Variants in SHF observed in about 807,000 individuals in gnomAD.
SHF encodes Src homology 2 domain containing F, also known as SH2 domain-containing adapter protein F.
A neutral mutation model predicts 42.4 loss-of-function variants in SHF; 30 were observed. The observed-to-expected ratio is 0.71, with a 90% CI of 0.53 to 0.96. SHF has a LOEUF of 0.96. SHF is among the 40% of genes least tolerant of loss of function. The pLI, the probability that SHF is intolerant of heterozygous loss-of-function variation, is 0.00. For missense variants in SHF, 598 were observed against 634.0 expected, an observed-to-expected ratio of 0.94 and a Z score of 0.61; for synonymous variants, 264 against 269.9, an observed-to-expected ratio of 0.98 and a Z score of 0.21.
intron 2 of SHF, among the ~76,000 whole-genome samples, chr15:45,194,434 C>G (rs944721748): frequency 6.6e-6 from 1 of 152,164 alleles, no homozygotes; most frequent in Non-Finnish European, 1.5e-5. Flanking sequence ...TCACTGCAAC[C>G]TACACCTCCC....
upstream of SHF, among the ~76,000 whole-genome samples, chr15:45,190,238 G>A (rs984325668): frequency 2.0e-5 from 3 of 152,164 alleles, no homozygotes; most frequent in Non-Finnish European, 4.4e-5. Context: ...AGAAAATAAC[G>A]TGCATATTTT....
upstream of SHF, among the ~76,000 whole-genome samples, chr15:45,192,335 G>GTT (rs765992039): frequency 2.3e-5 from 2 of 85,440 alleles, no homozygotes; most frequent in Non-Finnish European, 2.4e-5. Context: ...ACTCCCTACA[G>GTT]TTTTTTTTTT....
chr15:45,198,668 C>G (rs1449326601), intron 2 of SHF: 3 of 1,445,908 alleles, frequency 2.1e-6, no homozygotes, highest in East Asian at 2.3e-5. Context: ...AACCACTATA[C>G]GATCACGGCG....
intron 1 of SHF, among the ~76,000 whole-genome samples, chr15:45,183,135 G>C (rs773827250): frequency 6.6e-6 from 1 of 152,210 alleles, no homozygotes. Context: ...CAAATGCTTA[G>C]TGAATACCTC....
chr15:45,191,376 G>C (rs990260481), upstream of SHF, among the ~76,000 whole-genome samples: 1 of 152,136 alleles, frequency 6.6e-6, no homozygotes, highest in Non-Finnish European at 1.5e-5. Flanking sequence ...TTCTAGAGAC[G>C]AAGTTCTTGC....
At chr15:45,190,451 C>T (rs750119920), upstream of SHF, among the ~76,000 whole-genome samples, 17 of 152,144 alleles carry the variant, frequency 1.1e-4, no homozygotes, top group Non-Finnish European at 4.4e-5. Flanking sequence ...GCTACTGATA[C>T]TTGCTTTCAT....
At chr15:45,178,726 G>A (rs1237746885) in intron 1 of SHF, among the ~76,000 whole-genome samples, 2 of 152,048 alleles carry the variant, frequency 1.3e-5, no homozygotes. Flanking sequence ...GTAGAGATGG[G>A]GTTTCACCAT....
intron 1 of SHF, chr15:45,199,227 T>G: frequency 1.2e-6 from 1 of 846,422 alleles, no homozygotes; most frequent in South Asian, 2.1e-5. Flanking sequence ...CCCTGACTCC[T>G]CCTGACTCCT....
chr15:45,189,899 T>A (rs1363205579), upstream of SHF, among the ~76,000 whole-genome samples: 1 of 151,624 alleles, frequency 6.6e-6, no homozygotes, highest in Non-Finnish European at 1.5e-5. Flanking sequence ...ACCTGGGAGG[T>A]TGAGGTGGGA....
At chr15:45,170,645 C>CTTTTTTTTTTT (rs146136602) in intron 6 of SHF, 6 of 221,846 alleles carry the variant, frequency 2.7e-5, no homozygotes, top group Middle Eastern at 1.7e-3. Flanking sequence ...TTATCTTTTT[C>CTTTTTTTTTTT]TTTTTTTTTT....
At chr15:45,188,078 G>T, upstream of SHF, 1 of 362,624 alleles carries the variant, frequency 2.8e-6, no homozygotes, top group Non-Finnish European at 4.4e-6. Context: ...GGAGAGGCGG[G>T]GCTCCGCTCC....
rs1268437265 is a variant in SHF, at chr15:45,187,624, A to C, written c.328T>G (p.Ser110Ala). 2.4e-6 allele frequency: 3 copies of C among 1,228,822 alleles called. No homozygotes were observed. The highest frequency in any genetic ancestry group is 2.0e-6 in the Non-Finnish European group (2 of 986,500). 76.1% of individuals were successfully genotyped at this position (1,228,822 alleles called of 1,614,324 possible). Residue 110 changes from serine to alanine, a missense_variant, in exon 1 of 7, where the codon TCC (serine) becomes GCC (alanine). Physicochemically the swap from Ser to Ala is moderately conservative, Grantham distance 99. Around this residue, in one of 2 missense-constraint regions of SHF, gnomAD observed 439 missense variants for 524.6 expected, o/e 0.84. Transcript: ENST00000690270. The part of the protein sequence containing the change: ...QRERDFEDPY[S>A]GGSSGSAALA... ...GCGGCGGAGCCGGACGACCCCCCGGAGTAGGGGTCTTCGAAGTCGCGCTCC... is the reference window on the plus strand; with the variant it reads ...GCGGCGGAGCCGGACGACCCCCCGGCGTAGGGGTCTTCGAAGTCGCGCTCC...
chr15:45,189,389 C>CTT (rs11309833), upstream of SHF, among the ~76,000 whole-genome samples: 101 of 46,798 alleles, frequency 2.2e-3, 1 homozygote, highest in African/African-American at 5.1e-3. Flanking sequence ...TCATGTCTGC[C>CTT]TTTTTTTTTT....
intron 2 of SHF, among the ~76,000 whole-genome samples, chr15:45,196,727 C>G (rs965564188): frequency 6.6e-6 from 1 of 151,878 alleles, no homozygotes. Flanking sequence ...GAAACCCTGT[C>G]TCTACTAAAA....
rs142051912 is a variant in SHF at position 45,200,071 on chromosome 15, C to T, written c.-47+656G>A. The T allele has an allele frequency of 7.5e-3, 1,139 of 151,700 alleles. 5 individuals carry two copies. Among genetic ancestry groups the T allele is most frequent in the Middle Eastern group, 0.014 (4 of 294 alleles). 9.4% of individuals were successfully genotyped at this position (151,700 alleles called of 1,614,324 possible). A position where few individuals can be genotyped will look rare whatever the true frequency, so the allele number is the denominator to read the frequency against. ...GGCTGCCTGACAAATTCTCACTGTGCCTTTAAGAGCTACCTTGATCCTCAC... is the reference window on the plus strand; with the variant it reads ...GGCTGCCTGACAAATTCTCACTGTGTCTTTAAGAGCTACCTTGATCCTCAC... On this transcript the variant is annotated intron_variant, in intron 1 of 7. Transcript: ENST00000290894.
upstream of SHF, among the ~76,000 whole-genome samples, chr15:45,188,836 C>G (rs532788239): frequency 6.6e-6 from 1 of 152,240 alleles, no homozygotes; most frequent in Non-Finnish European, 1.5e-5. Flanking sequence ...TGTTGTCTAT[C>G]ACAAACTCCT....
chr15:45,171,859 G>A, intron 6 of SHF, 24 bp downstream of exon 6: 3 of 1,607,698 alleles, frequency 1.9e-6, no homozygotes, highest in Non-Finnish European at 2.6e-6. Flanking sequence ...TGCTGTCCCT[G>A]AAACCACAAC....
chr15:45,184,606 CA>C (rs1898289087), intron 1 of SHF, among the ~76,000 whole-genome samples: 1 of 152,270 alleles, frequency 6.6e-6, no homozygotes, highest in African/African-American at 2.4e-5. Context: ...GGACACACTG[CA>C]CAGATGGTCA....
At chr15:45,181,839 A>G (rs1267989475) in intron 1 of SHF, among the ~76,000 whole-genome samples, 1 of 152,216 alleles carries the variant, frequency 6.6e-6, no homozygotes, top group Non-Finnish European at 1.5e-5. Context: ...AGACTTTCAA[A>G]ACTTAAAAAT....
Sources: gnomAD v4.1 joint callset for allele counts (sites outside exome capture counted in the v4.1 genomes callset) on GRCh38, gnomAD v4.1.1 for gene constraint, gnomAD v4.1.1 regional missense constraint, MANE v1.5 for transcripts, NCBI Gene and HGNC (gene_info 2026-07-23, HGNC 2026-07-21) for gene names.